Variants in THRAP3 observed in about 807,000 individuals in gnomAD.
The protein encoded by THRAP3 is thyroid hormone receptor associated protein 3, also known as thyroid hormone receptor-associated protein 3.
Under a neutral mutation model 101.0 loss-of-function variants are expected in THRAP3, and 16 were observed. The observed-to-expected ratio is 0.16, with a 90% CI of 0.11 to 0.24. THRAP3 has a LOEUF of 0.24. Among genes scored for constraint, THRAP3 ranks in the 10% least tolerant of loss-of-function variants. The pLI is 1.00. For missense variants in THRAP3, 989 were observed against 1,202.7 expected, an observed-to-expected ratio of 0.82 and a Z score of 2.63; for synonymous variants, 407 against 422.6, an observed-to-expected ratio of 0.96 and a Z score of 0.45.
At chr1:36,281,483 T>C (rs1223876216) in intron 2 of THRAP3, among the ~76,000 whole-genome samples, 1 of 152,212 alleles carries the variant, frequency 6.6e-6, no homozygotes, top group Non-Finnish European at 1.5e-5. Context: ...AGGTTTTCCA[T>C]TTGCTGCTGT....
intron 9 of THRAP3, among the ~76,000 whole-genome samples, chr1:36,297,703 AAAG>A (rs1645970937): frequency 6.7e-6 from 1 of 150,350 alleles, no homozygotes; most frequent in African/African-American, 2.4e-5. Context: ...TCGGCCTCCC[AAAG>A]TGCTAGGATT....
intron 2 of THRAP3, among the ~76,000 whole-genome samples, chr1:36,271,568 A>C (rs1570302692): frequency 6.9e-6 from 1 of 144,420 alleles, no homozygotes; most frequent in African/African-American, 2.6e-5. Flanking sequence ...GGCATGAGCC[A>C]CTGTGCCCAG....
At chr1:36,208,423 C>T in the THRAP3 span, among the ~76,000 whole-genome samples, 91 of 152,060 alleles carry the variant, frequency 6.0e-4, no homozygotes, top group Non-Finnish European at 1.2e-3. Flanking sequence ...TGTGCTTTTC[C>T]GGCTGTTTGA....
Position 36,303,802 on chromosome 1 carries a change from G to A in THRAP3, c.2653G>A (p.Asp885Asn), listed in dbSNP as rs1646059618. The part of the protein sequence containing the change: ...PKSKKYYLHD[D>N]REGEGSDKWV... ...CAATTTTCTTTCCCCTCAGCATGAT[G>A]ACCGTGAAGGCGAAGGCAGTGACAA... The change falls in exon 12 of 12, where the codon GAC (aspartate) becomes AAC (asparagine). Residue 885 changes from aspartate (D) to asparagine (N), a missense_variant. Transcript: ENST00000354618. 6.2e-7 allele frequency: 1 copy of A among 1,613,956 alleles called. No individual in the cohort carries two copies. The highest frequency in any genetic ancestry group is 8.5e-7 in the Non-Finnish European group (1 of 1,179,962).
rs55927766 is a variant in THRAP3, at chr1:36,252,784, G to A, written c.-134-6598G>A. On this transcript the variant is annotated intron_variant, in intron 1 of 11. Coordinates refer to ENST00000354618, the MANE Select transcript of THRAP3 (RefSeq NM_005119.4). The stretch of plus-strand genomic sequence containing the variant: ...TAGCCAGGCATTGTGGCGCAAGCTT[G>A]TAATCCCAGCTACTTGCAAGGCTGA... 3.9e-3 allele frequency among the ~76,000 whole-genome samples: 587 copies of A among 151,636 alleles called. 2 individuals are homozygous for A. The highest frequency in any genetic ancestry group is 0.012 in the African/African-American group (488 of 41,380).
chr1:36,241,666 C>T (rs577884840), intron 1 of THRAP3, among the ~76,000 whole-genome samples: 36 of 150,894 alleles, frequency 2.4e-4, no homozygotes, highest in Non-Finnish European at 4.6e-4. Flanking sequence ...GCAATCTCCA[C>T]CTCCTGGGTT....
chr1:36,304,122 C>T lies in THRAP3; in HGVS notation c.*105C>T. ...TCAAGAAGATTCTGAAAATCCTACC[C>T]CCACCCCCCACCAGCCGCACAGATT... On this transcript the variant is annotated 3_prime_UTR_variant, in exon 12 of 12. Transcript: ENST00000354618. 1 of 1,412,534 alleles carries T rather than the reference C, an allele frequency of 7.1e-7. No individual in the cohort carries two copies. The highest frequency in any genetic ancestry group is 9.3e-7 in the Non-Finnish European group (1 of 1,071,174). 87.5% of individuals were successfully genotyped at this position (1,412,534 alleles called of 1,614,324 possible).
At position 36,300,946 on chromosome 1, in the gene THRAP3, C is replaced by T; in HGVS notation, c.2364C>T (p.His788=). The T allele has an allele frequency of 3.1e-6, 5 of 1,614,096 alleles. No individual in the cohort carries two copies. The highest frequency in any genetic ancestry group is 4.2e-6 in the Non-Finnish European group (5 of 1,180,016). Reference sequence around the variant, plus strand: ...CCTCCTCTTCCTCCCAGTCATCTCACTCCTACAAAGCAGAAGAGTACACTG... The same window carrying T: ...CCTCCTCTTCCTCCCAGTCATCTCATTCCTACAAAGCAGAAGAGTACACTG... ...RSSSSSSQSS[H]SYKAEEYTEE... is the part of the protein sequence containing the mutation. The change falls in exon 10 of 12, where the codon CAC becomes CAT. Residue 788 remains histidine (H), a synonymous_variant. Coordinates refer to ENST00000354618, the MANE Select transcript of THRAP3 (RefSeq NM_005119.4).
rs34553514 is a variant in THRAP3 at position 36,301,883 on chromosome 1, A to G, written c.2646+187A>G. On this transcript the variant is annotated intron_variant, in intron 11 of 11. Transcript: ENST00000354618. The stretch of plus-strand genomic sequence containing the variant: ...CTCTAGAGAGGCAGTCCTGGTCTTC[A>G]AAGGGTTTATCACTGAAGATGTTTG... 3.2e-3 allele frequency among the ~76,000 whole-genome samples: 487 copies of G among 152,346 alleles called. 4 individuals are homozygous for G. The highest frequency in any genetic ancestry group is 0.011 in the African/African-American group (468 of 41,568).
intron 11 of THRAP3, among the ~76,000 whole-genome samples, chr1:36,302,203 T>G (rs1369683242): frequency 2.0e-5 from 3 of 152,226 alleles, no homozygotes; most frequent in Admixed American, 6.5e-5. Flanking sequence ...TTAATACTTT[T>G]ATAGGCTGAA....
In THRAP3 at chr1:36,289,419, A is replaced by G. The variant is rs749226457; in HGVS notation, c.1400A>G (p.Lys467Arg). Residue 467 changes from lysine to arginine, a missense_variant, in exon 5 of 12, where the codon AAG becomes AGG. Physicochemically the swap from Lys to Arg is conservative, Grantham distance 26. Transcript: ENST00000354618. ...IGANKNQEEE[K>R]SGKWEGLVYA... The stretch of plus-strand genomic sequence containing the variant: ...GCAAACAAAAACCAGGAGGAGGAGA[A>G]GTCAGGCAAATGGGAGGGCCTGGTA... 4.3e-6 allele frequency: 7 copies of G among 1,614,240 alleles called. No homozygotes were observed. The South Asian group carries it at 7.7e-5, about 18-fold the overall frequency.
intron 1 of THRAP3, among the ~76,000 whole-genome samples, chr1:36,239,257 CTTTTT>C (rs34860552): frequency 2.5e-4 from 27 of 108,192 alleles, no homozygotes; most frequent in Non-Finnish European, 3.5e-4. Flanking sequence ...CCAGGCTGGT[CTTTTT>C]TTTTTTTTTT....
the THRAP3 span, among the ~76,000 whole-genome samples, chr1:36,215,002 A>T: frequency 1.3e-5 from 2 of 151,872 alleles, no homozygotes; most frequent in African/African-American, 2.4e-5. Context: ...CGGGCGGATT[A>T]TGAGGTCATG....
chr1:36,245,048 C>G (rs1645214686), intron 1 of THRAP3, among the ~76,000 whole-genome samples: 1 of 152,036 alleles, frequency 6.6e-6, no homozygotes, highest in African/African-American at 2.4e-5. Flanking sequence ...AAGTCTTCCT[C>G]CTGAAAACCT....
chr1:36,296,606 T>A lies in THRAP3; in HGVS notation c.2139T>A (p.Asp713Glu). 2 of 1,575,230 alleles carry A rather than the reference T, an allele frequency of 1.3e-6. No individual in the cohort carries two copies. Among genetic ancestry groups the A allele is most frequent in the South Asian group, 2.4e-5 (2 of 84,050 alleles). ...GYKAEGKYKDDPVDLRLDIER... is the reference protein window; with the variant it reads ...GYKAEGKYKDEPVDLRLDIER... ...AGGCTGAGGGAAAATACAAAGATGA[T>A]CCTGTTGATCTCCGCCTTGATATTG... The change falls in exon 9 of 12, where the codon GAT becomes GAA. Residue 713 changes from aspartate (D) to glutamate (E), a missense_variant. Transcript: ENST00000354618.
chr1:36,223,127 A>C (rs1193859943), upstream of THRAP3, among the ~76,000 whole-genome samples: 1 of 151,874 alleles, frequency 6.6e-6, no homozygotes, highest in Non-Finnish European at 1.5e-5. Flanking sequence ...AATCTCAATA[A>C]ATAAATAAAT....
intron 1 of THRAP3, among the ~76,000 whole-genome samples, chr1:36,225,933 C>T (rs1557801122): frequency 6.6e-6 from 1 of 152,158 alleles, no homozygotes; most frequent in Admixed American, 6.6e-5. Flanking sequence ...CCTCTATATC[C>T]AGTGTAATTC....
At chr1:36,208,328 G>A in the THRAP3 span, among the ~76,000 whole-genome samples, 1 of 152,188 alleles carries the variant, frequency 6.6e-6, no homozygotes, top group East Asian at 1.9e-4. Context: ...AAGGCTCAGA[G>A]AGGATAAGTC....
chr1:36,245,093 A>G (rs1210922249), intron 1 of THRAP3, among the ~76,000 whole-genome samples: 1 of 151,360 alleles, frequency 6.6e-6, no homozygotes, highest in Non-Finnish European at 1.5e-5. Context: ...GGCCTTTGCC[A>G]TTGTACCACT....
Sources: gnomAD v4.1 joint callset for allele counts (sites outside exome capture counted in the v4.1 genomes callset) on GRCh38, gnomAD v4.1.1 for gene constraint, MANE v1.5 for transcripts, NCBI Gene and HGNC (gene_info 2026-07-23, HGNC 2026-07-21) for gene names.